The following PCDH15 variants were observed in gnomAD, a reference collection of about 807,000 sequenced individuals.
PCDH15 encodes the protein protocadherin related 15.
In PCDH15, 129 loss-of-function variants were observed where a neutral mutation model predicts 178.5. The observed-to-expected ratio is 0.72, with a 90% CI of 0.63 to 0.84. PCDH15 has a LOEUF of 0.84. Ranked by LOEUF, PCDH15 falls within the 40% of genes least tolerant of loss-of-function variation. The pLI, the probability that PCDH15 is intolerant of heterozygous loss-of-function variation, is 0.00. For missense variants in PCDH15, 2,230 were observed against 2,099.9 expected (o/e 1.06, Z -1.21); for synonymous variants, 800 against 732.0 (o/e 1.09, Z -1.50).
At chr10:54,823,912 T>G (rs1044436801) in intron 3 of PCDH15, among the ~76,000 whole-genome samples, 2 of 152,182 alleles carry the variant, frequency 1.3e-5, no homozygotes, top group Non-Finnish European at 2.9e-5. Context: ...CAATTTTTCT[T>G]TCCTGCACTC....
At chr10:55,535,983 A>T (rs778870180) in intron 2 of PCDH15, among the ~76,000 whole-genome samples, 5 of 152,172 alleles carry the variant, frequency 3.3e-5, no homozygotes, top group African/African-American at 4.8e-5. Flanking sequence ...AAATATATAT[A>T]TTTTGAATTA....
At chr10:54,142,586 G>C (rs908742976) in intron 14 of PCDH15, among the ~76,000 whole-genome samples, 18 of 152,090 alleles carry the variant, frequency 1.2e-4, no homozygotes, top group Admixed American at 1.1e-3. Context: ...CAGTGTCTGG[G>C]CCTATGTGTC....
At chr10:55,082,454 A>T (rs1462349918) in intron 2 of PCDH15, among the ~76,000 whole-genome samples, 1 of 151,910 alleles carries the variant, frequency 6.6e-6, no homozygotes, top group Non-Finnish European at 1.5e-5. Flanking sequence ...ATCACATCAA[A>T]AAAGCAGAAA....
At chr10:54,117,100 G>A (rs4007264) in intron 15 of PCDH15, among the ~76,000 whole-genome samples, 39,437 of 152,024 alleles carry the variant, frequency 0.26, 5,613 homozygotes, top group Middle Eastern at 0.34. Context: ...CACCTATGCA[G>A]CCTGACAAGC....
intron 18 of PCDH15, among the ~76,000 whole-genome samples, chr10:54,066,129 CTTCT>C (rs2094133397): frequency 6.6e-6 from 1 of 152,152 alleles, no homozygotes; most frequent in African/African-American, 2.4e-5. Context: ...CAATTTTTTT[CTTCT>C]TTGTGACTTC....
intron 2 of PCDH15, among the ~76,000 whole-genome samples, chr10:55,590,444 C>T (rs991827796): frequency 2.6e-5 from 4 of 151,510 alleles, no homozygotes; most frequent in Non-Finnish European, 4.4e-5. Context: ...CACATGCACC[C>T]TAAAACTTAA....
intron 3 of PCDH15, among the ~76,000 whole-genome samples, chr10:54,412,872 C>T (rs559381306): frequency 9.8e-4 from 149 of 152,240 alleles, no homozygotes; most frequent in African/African-American, 3.4e-3. Flanking sequence ...AAGGCATGAG[C>T]CACCACGCCT....
chr10:54,189,925 A>ATG lies in PCDH15; in HGVS notation c.1306-4659_1306-4658dup, dbSNP rs57024579. Among the ~76,000 whole-genome samples, 1,352 of 141,526 alleles carry ATG rather than the reference A, an allele frequency of 9.6e-3. 7 individuals are homozygous for ATG. Among genetic ancestry groups the ATG allele is most frequent in the African/African-American group, 0.013 (481 of 36,598 alleles). The allele number at this position is 141,526 out of a possible 152,430, so 92.8% of individuals were successfully genotyped here. ...TTCATATATGTATACATGCATGTGT[A>ATG]TGTGTGTGTGTGTGTGTGTGTGTGT... On this transcript the variant is annotated intron_variant, in intron 11 of 37. Coordinates refer to ENST00000644397, the MANE Select transcript of PCDH15 (RefSeq NM_001384140.1).
intron 3 of PCDH15, among the ~76,000 whole-genome samples, chr10:54,436,849 T>C (rs141990738): frequency 2.0e-3 from 299 of 152,264 alleles, no homozygotes; most frequent in Non-Finnish European, 3.1e-3. Context: ...TGGTGGAAAA[T>C]GCAAAGCATG....
At chr10:54,407,022 A>G (rs1952772795) in intron 3 of PCDH15, among the ~76,000 whole-genome samples, 1 of 152,196 alleles carries the variant, frequency 6.6e-6, no homozygotes, top group Non-Finnish European at 1.5e-5. Flanking sequence ...AAACTCTATG[A>G]CAACTCAATA....
In PCDH15 at chr10:53,961,765, G is replaced by A; in HGVS notation, c.2996C>T (p.Thr999Ile). Residue 999 changes from threonine (T) to isoleucine (I), a missense_variant, in exon 22 of 38, where the codon ACA (threonine) becomes ATA (isoleucine). Coordinates refer to ENST00000644397, the MANE Select transcript of PCDH15 (RefSeq NM_001384140.1). ...ITRVNLNEEPTTIFKLVVVAF... is the reference protein window; with the variant it reads ...ITRVNLNEEPITIFKLVVVAF... ...AGAGACACTGACCTTAAAAATTGTT[G>A]TAGGTTCTTCATTAAGATTGACTCG... 6.2e-7 allele frequency: 1 copy of A among 1,606,192 alleles called. No individual in the cohort carries two copies. Among genetic ancestry groups the A allele is most frequent in the Non-Finnish European group, 8.5e-7 (1 of 1,175,806 alleles).
chr10:54,513,322 G>A (rs1280878239), intron 3 of PCDH15, among the ~76,000 whole-genome samples: 1 of 151,426 alleles, frequency 6.6e-6, no homozygotes, highest in East Asian at 1.9e-4. Flanking sequence ...GTGCAGTGGT[G>A]CAATCTCGGC....
chr10:54,554,765 T>G (rs1020370327), intron 2 of PCDH15, among the ~76,000 whole-genome samples: 5 of 152,148 alleles, frequency 3.3e-5, no homozygotes, highest in African/African-American at 9.6e-5. Context: ...TTAGGGAATG[T>G]AAAATGGAAA....
At chr10:54,069,234 G>A (rs139792909) in intron 17 of PCDH15, among the ~76,000 whole-genome samples, 25 of 152,142 alleles carry the variant, frequency 1.6e-4, no homozygotes, top group African/African-American at 4.8e-4. Context: ...CAAATTGCCT[G>A]ACCCCCTTTA....
intron 8 of PCDH15, among the ~76,000 whole-genome samples, chr10:54,237,685 G>A (rs536131968): frequency 2.0e-5 from 3 of 152,252 alleles, no homozygotes; most frequent in South Asian, 4.1e-4. Context: ...AAGCCCAAGT[G>A]GGCATGGCTC....
intron 4 of PCDH15, among the ~76,000 whole-genome samples, chr10:54,373,934 T>C (rs1948049869): frequency 6.6e-6 from 1 of 152,072 alleles, no homozygotes; most frequent in South Asian, 2.1e-4. Flanking sequence ...AAATTGGATA[T>C]GGTCATGGGA....
At position 55,420,269 on chromosome 10, in the gene PCDH15, C is replaced by A. The variant is rs530058449; in HGVS notation, c.-156+207356G>T. The stretch of plus-strand genomic sequence containing the variant: ...CATATTATCTATAGTTGCTTCGATA[C>A]TATAAGCGTTGGAATTGAGTAGCTG... On this transcript the variant is annotated intron_variant, in intron 2 of 5. Transcript: ENST00000613346. 2.1e-5 allele frequency among the ~76,000 whole-genome samples: 3 copies of A among 142,844 alleles called. No individual in the cohort carries two copies. In the East Asian group the frequency reaches 5.8e-4, roughly 28 times the overall value. 93.7% of individuals were successfully genotyped at this position (142,844 alleles called of 152,430 possible).
chr10:55,373,261 A>T (rs1046332567), intron 2 of PCDH15, among the ~76,000 whole-genome samples: 1 of 152,168 alleles, frequency 6.6e-6, no homozygotes, highest in Non-Finnish European at 1.5e-5. Context: ...GGCAGCTCTG[A>T]TACCTTTATT....
At chr10:54,012,597 TC>T (rs1166586138) in intron 20 of PCDH15, among the ~76,000 whole-genome samples, 1 of 152,156 alleles carries the variant, frequency 6.6e-6, no homozygotes, top group African/African-American at 2.4e-5. Flanking sequence ...AGTGGACCTT[TC>T]AGCAGAAACC....
Sources: gnomAD v4.1 joint callset for allele counts (sites outside exome capture counted in the v4.1 genomes callset) on GRCh38, gnomAD v4.1.1 for gene constraint, MANE v1.5 for transcripts, NCBI Gene and HGNC (gene_info 2026-07-23, HGNC 2026-07-21) for gene names.